The following JMY variants were observed in gnomAD, a reference collection of about 807,000 sequenced individuals.
The protein encoded by JMY is junction mediating and regulatory protein, p53 cofactor.
In JMY, 46 loss-of-function variants were observed where a neutral mutation model predicts 103.3. The ratio of observed to expected loss-of-function variants is 0.45; its 90% CI spans 0.35 to 0.57. The LOEUF (loss-of-function observed/expected upper bound fraction) is 0.57. Ranked by LOEUF, JMY falls within the 20% of genes least tolerant of loss-of-function variation. JMY has a pLI of 0.00. For synonymous variants in JMY, 526 were observed against 489.3 expected, an observed-to-expected ratio of 1.07 and a Z score of -0.99; for missense variants, 1,238 against 1,255.2, an observed-to-expected ratio of 0.99 and a Z score of 0.21.
intron 4 of JMY, among the ~76,000 whole-genome samples, chr5:79,297,777 G>A (rs1008669969): frequency 2.0e-5 from 3 of 152,270 alleles, no homozygotes; most frequent in African/African-American, 7.2e-5. Flanking sequence ...CTCTGATGAG[G>A]TTTTGGTTAT....
intron 2 of JMY, among the ~76,000 whole-genome samples, chr5:79,288,282 A>G (rs1014478333): frequency 1.4e-4 from 22 of 152,132 alleles, no homozygotes; most frequent in African/African-American, 4.3e-4. Context: ...TCCATCCCTT[A>G]GCAGGCACAA....
chr5:79,281,364 T>A (rs1746107024), intron 2 of JMY, among the ~76,000 whole-genome samples: 1 of 150,224 alleles, frequency 6.7e-6, no homozygotes, highest in African/African-American at 2.4e-5. Context: ...TTTTTTTTTT[T>A]TTTTTTTTTT....
chr5:79,242,444 G>T (rs1744769764), intron 1 of JMY, among the ~76,000 whole-genome samples: 2 of 152,118 alleles, frequency 1.3e-5, no homozygotes. Context: ...GGATTATCTG[G>T]TTTTCCATTC....
intron 1 of JMY, among the ~76,000 whole-genome samples, chr5:79,255,937 A>G (rs1360060427): frequency 6.6e-6 from 1 of 152,220 alleles, no homozygotes; most frequent in African/African-American, 2.4e-5. Context: ...CTCCCTGGCT[A>G]CCGCCTACGT....
intron 2 of JMY, 65 bp downstream of exon 2, chr5:79,278,148 G>T: frequency 8.8e-7 from 1 of 1,132,906 alleles, no homozygotes; most frequent in Non-Finnish European, 1.2e-6. Context: ...GAAAGGCCAT[G>T]CGTTATCCAC....
chr5:79,271,426 T>A (rs1453760417), intron 1 of JMY, among the ~76,000 whole-genome samples: 2 of 152,334 alleles, frequency 1.3e-5, no homozygotes, highest in South Asian at 4.1e-4. Flanking sequence ...TCTACTTCTA[T>A]TTTCTAGAAG....
intron 1 of JMY, among the ~76,000 whole-genome samples, chr5:79,264,703 C>G (rs1322653976): frequency 6.6e-6 from 1 of 152,178 alleles, no homozygotes; most frequent in African/African-American, 2.4e-5. Flanking sequence ...TTTTGTCACT[C>G]TGTGCCTGCC....
chr5:79,252,213 T>G (rs928266001), intron 1 of JMY, among the ~76,000 whole-genome samples: 1 of 152,232 alleles, frequency 6.6e-6, no homozygotes, highest in African/African-American at 2.4e-5. Context: ...ATTTCTTCAT[T>G]GACCTACTGG....
intron 1 of JMY, among the ~76,000 whole-genome samples, chr5:79,243,997 C>CTTTTTTTCCTTTTTTT (rs1472586145): frequency 2.7e-4 from 41 of 149,190 alleles, no homozygotes; most frequent in Non-Finnish European, 5.3e-4. Context: ...TTTCTTTTTT[C>CTTTTTTTCCTTTTTTT]TTTTTTTCCT....
chr5:79,268,287 A>T (rs137936074), intron 1 of JMY, among the ~76,000 whole-genome samples: 2 of 152,142 alleles, frequency 1.3e-5, no homozygotes, highest in Non-Finnish European at 2.9e-5. Flanking sequence ...TAAGACTGTT[A>T]TGGTGTCTCC....
chr5:79,302,763 C>T (rs182394076), intron 6 of JMY, among the ~76,000 whole-genome samples: 3 of 152,204 alleles, frequency 2.0e-5, no homozygotes, highest in Admixed American at 2.0e-4. Context: ...CAAGATAAGG[C>T]AGCATGAAAA....
rs1320222763 is a variant in JMY at position 79,314,817 on chromosome 5, C to T, written c.2625C>T (p.Leu875=). The T allele has an allele frequency of 1.9e-6, 3 of 1,590,864 alleles. No homozygotes were observed. The highest frequency in any genetic ancestry group is 3.6e-5 in the Admixed American group (2 of 55,900). The change falls in exon 9 of 11, where the codon CTC becomes CTT. Residue 875 remains leucine, a synonymous_variant. Coordinates refer to ENST00000396137, the MANE Select transcript of JMY (RefSeq NM_152405.5). ...SSQLVSARKK[L]RKTAEGLQRR... ...AGCTGGTCAGTGCACGGAAGAAGCT[C>T]AGAAAGACTGCTGAAGGTTTGCAGA...
intron 1 of JMY, among the ~76,000 whole-genome samples, chr5:79,250,261 T>C (rs1745037448): frequency 1.3e-5 from 2 of 152,194 alleles, no homozygotes; most frequent in African/African-American, 4.8e-5. Flanking sequence ...ATCTTCAGCC[T>C]CCTGTACCCT....
chr5:79,297,339 A>G (rs1056568877), intron 4 of JMY, among the ~76,000 whole-genome samples: 2 of 152,134 alleles, frequency 1.3e-5, no homozygotes, highest in African/African-American at 4.8e-5. Flanking sequence ...TCTCAGATAT[A>G]AAAAAGACAC....
intron 1 of JMY, among the ~76,000 whole-genome samples, chr5:79,253,528 A>G (rs1745152935): frequency 6.6e-6 from 1 of 152,100 alleles, no homozygotes; most frequent in South Asian, 2.1e-4. Flanking sequence ...TCCTGACCTC[A>G]TGATCTGCCC....
chr5:79,306,312 T>C, intron 6 of JMY, 63 bp from the exon 7 acceptor site: 2 of 1,130,710 alleles, frequency 1.8e-6, no homozygotes, highest in Non-Finnish European at 2.7e-6. Flanking sequence ...AATTTAACCT[T>C]GGTGTGGTGT....
intron 2 of JMY, chr5:79,284,846 A>G: frequency 6.4e-7 from 1 of 1,570,584 alleles, no homozygotes; most frequent in East Asian, 2.2e-5. Flanking sequence ...TTCTTAGAAA[A>G]TGGATCAACC....
intron 1 of JMY, among the ~76,000 whole-genome samples, chr5:79,238,597 A>G (rs371761882): frequency 1.3e-5 from 2 of 151,318 alleles, no homozygotes; most frequent in African/African-American, 2.4e-5. Context: ...TGTTTTTACT[A>G]TTAATGCAAT....
intron 1 of JMY, among the ~76,000 whole-genome samples, chr5:79,259,799 C>G (rs1472804045): frequency 6.6e-6 from 1 of 152,236 alleles, no homozygotes; most frequent in Non-Finnish European, 1.5e-5. Flanking sequence ...GGAGCAGACA[C>G]CTCCGAGCCT....
Sources: gnomAD v4.1 joint callset for allele counts (sites outside exome capture counted in the v4.1 genomes callset) on GRCh38, gnomAD v4.1.1 for gene constraint, MANE v1.5 for transcripts, NCBI Gene and HGNC (gene_info 2026-07-23, HGNC 2026-07-21) for gene names.